The following MYRIP variants were observed in gnomAD, a reference collection of about 807,000 sequenced individuals.
The protein encoded by MYRIP is myosin VIIA and Rab interacting protein.
In MYRIP, 49 loss-of-function variants were observed where a neutral mutation model predicts 98.0. The ratio of observed to expected loss-of-function variants is 0.50; its 90% CI spans 0.40 to 0.63. MYRIP has a LOEUF of 0.63. Among genes scored for constraint, MYRIP ranks in the 30% least tolerant of loss-of-function variants. The pLI is 0.00. For missense variants in MYRIP, 1,004 were observed against 1,058.2 expected, an observed-to-expected ratio of 0.95 and a Z score of 0.71; for synonymous variants, 404 against 409.5, an observed-to-expected ratio of 0.99 and a Z score of 0.16.
chr3:40,190,183 C>T lies in MYRIP; in HGVS notation c.1385C>T (p.Ser462Phe), dbSNP rs760193647. The T allele has an allele frequency of 6.2e-6, 10 of 1,614,058 alleles. No homozygotes were observed. Among genetic ancestry groups the T allele is most frequent in the Non-Finnish European group, 7.6e-6 (9 of 1,180,046 alleles). Residue 462 changes from serine (S) to phenylalanine (F), a missense_variant, in exon 10 of 17, where the codon TCT (serine) becomes TTT (phenylalanine). Coordinates refer to ENST00000302541, the MANE Select transcript of MYRIP (RefSeq NM_015460.4). ...CSDSETSSAG[S>F]SREVGHQARL... ...GACTCGGAGACCTCCTCCGCAGGCT[C>T]TTCCCGAGAAGTTGGGCACCAGGCC... is the stretch of plus-strand genomic sequence containing the variant.
intron 2 of MYRIP, among the ~76,000 whole-genome samples, chr3:39,904,761 T>C (rs1205665663): frequency 6.6e-6 from 1 of 151,362 alleles, no homozygotes; most frequent in African/African-American, 2.4e-5. Flanking sequence ...TATCAGCTGC[T>C]GTGTGTAGGT....
At chr3:39,816,283 C>T (rs1940908187) in intron 1 of MYRIP, among the ~76,000 whole-genome samples, 1 of 152,158 alleles carries the variant, frequency 6.6e-6, no homozygotes, top group African/African-American at 2.4e-5. Context: ...GGGGTTTCAC[C>T]ATTTTAGCCA....
intron 1 of MYRIP, among the ~76,000 whole-genome samples, chr3:39,839,158 T>C (rs963738497): frequency 1.3e-5 from 2 of 152,162 alleles, no homozygotes; most frequent in African/African-American, 2.4e-5. Flanking sequence ...ATTGATTTTT[T>C]GGAGGGTTTT....
At chr3:39,965,789 G>C (rs991935063) in intron 2 of MYRIP, among the ~76,000 whole-genome samples, 1 of 152,056 alleles carries the variant, frequency 6.6e-6, no homozygotes, top group Non-Finnish European at 1.5e-5. Context: ...GCTACACCTA[G>C]ATTAACAAAT....
intron 2 of MYRIP, among the ~76,000 whole-genome samples, chr3:40,020,163 C>T (rs184483138): frequency 6.6e-6 from 1 of 152,230 alleles, no homozygotes; most frequent in Non-Finnish European, 1.5e-5. Flanking sequence ...TCTAGTACTC[C>T]CCAGTGTCTG....
intron 3 of MYRIP, among the ~76,000 whole-genome samples, chr3:40,063,349 G>A (rs903498494): frequency 6.6e-6 from 1 of 152,164 alleles, no homozygotes; most frequent in African/African-American, 2.4e-5. Context: ...TCCCTGAATT[G>A]ATCATTTTCC....
intron 3 of MYRIP, among the ~76,000 whole-genome samples, chr3:40,049,209 C>T (rs1947735340): frequency 6.6e-6 from 1 of 152,144 alleles, no homozygotes; most frequent in South Asian, 2.1e-4. Flanking sequence ...TTGTACTTTA[C>T]TGTGCTTCAC....
chr3:40,026,204 T>C (rs1045392047), intron 2 of MYRIP, among the ~76,000 whole-genome samples: 14 of 152,138 alleles, frequency 9.2e-5, no homozygotes, highest in African/African-American at 3.4e-4. Flanking sequence ...AGGAAAAGAA[T>C]TTAGTGATAT....
At chr3:40,141,924 T>G (rs1949904317) in intron 3 of MYRIP, among the ~76,000 whole-genome samples, 1 of 152,198 alleles carries the variant, frequency 6.6e-6, no homozygotes, top group Non-Finnish European at 1.5e-5. Context: ...CTTTGGCTAT[T>G]TGGGATAATT....
At chr3:40,185,801 GCCTCCTTTGGATT>G (rs1198222977) in intron 9 of MYRIP, among the ~76,000 whole-genome samples, 1 of 152,050 alleles carries the variant, frequency 6.6e-6, no homozygotes, top group East Asian at 1.9e-4. Flanking sequence ...ATCAAGGGTC[GCCTCCTTTGGATT>G]CCTCCCAGGG....
In MYRIP at chr3:40,162,777, G is replaced by A. The variant is rs1950423909; in HGVS notation, c.517G>A (p.Gly173Ser). Reference sequence around the variant, plus strand: ...CCTGGAGAATGAAGGAAGCATTTCTGGCAGTGATTCAACATTTTATAGGCA... The same window carrying A: ...CCTGGAGAATGAAGGAAGCATTTCTAGCAGTGATTCAACATTTTATAGGCA... ...SNLENEGSIS[G>S]SDSTFYRQSE... Residue 173 changes from glycine to serine, a missense_variant, in exon 5 of 17, where the codon GGC (glycine) becomes AGC (serine). Transcript: ENST00000302541. The A allele has an allele frequency of 6.2e-7, 1 of 1,614,036 alleles. No homozygotes were observed. The highest frequency in any genetic ancestry group is 1.1e-5 in the South Asian group (1 of 91,056).
intron 2 of MYRIP, among the ~76,000 whole-genome samples, chr3:39,994,246 C>T (rs1200699652): frequency 6.6e-6 from 1 of 152,252 alleles, no homozygotes; most frequent in Non-Finnish European, 1.5e-5. Flanking sequence ...GAGGCATCGC[C>T]TCATCCGGGA....
chr3:39,943,087 A>G (rs11719739), intron 2 of MYRIP, among the ~76,000 whole-genome samples: 426 of 152,128 alleles, frequency 2.8e-3, no homozygotes, highest in Non-Finnish European at 4.7e-3. Flanking sequence ...TGTTCTCTAG[A>G]CTCATCTGAG....
intron 2 of MYRIP, among the ~76,000 whole-genome samples, chr3:39,938,973 C>T (rs980081639): frequency 6.6e-6 from 1 of 152,176 alleles, no homozygotes; most frequent in African/African-American, 2.4e-5. Flanking sequence ...TCCTCCCTTC[C>T]TCATAGAAGA....
chr3:39,866,449 A>G (rs979271125), intron 1 of MYRIP, among the ~76,000 whole-genome samples: 1 of 152,116 alleles, frequency 6.6e-6, no homozygotes. Flanking sequence ...ATACAAGGCC[A>G]TTTACAATCA....
At chr3:40,252,270 C>T (rs547043586) in intron 16 of MYRIP, among the ~76,000 whole-genome samples, 53 of 152,052 alleles carry the variant, frequency 3.5e-4, no homozygotes, top group African/African-American at 8.0e-4. Flanking sequence ...TAACTTTCTA[C>T]GCAAGTATAG....
At chr3:39,903,594 T>A (rs1259564873) in intron 2 of MYRIP, among the ~76,000 whole-genome samples, 1 of 152,184 alleles carries the variant, frequency 6.6e-6, no homozygotes, top group Non-Finnish European at 1.5e-5. Flanking sequence ...AGAGGGATAA[T>A]GGGGATGAAG....
chr3:40,240,945 A>C (rs189712922), intron 12 of MYRIP, among the ~76,000 whole-genome samples: 1 of 152,198 alleles, frequency 6.6e-6, no homozygotes, highest in Non-Finnish European at 1.5e-5. Flanking sequence ...CCAGCCCTAG[A>C]CAGTGGTATC....
rs72856962 is a variant in MYRIP at position 40,167,848 on chromosome 3, G to A, written c.729+609G>A. 7.5e-3 allele frequency among the ~76,000 whole-genome samples: 1,142 copies of A among 152,320 alleles called. 17 individuals are homozygous for A. The highest frequency in any genetic ancestry group is 0.025 in the African/African-American group (1,032 of 41,556). ...TATAAAGGGTACAGGTGAACGGCCAGATGAAGAGACACACAGAGCAGCAGG... is the reference window on the plus strand; with the variant it reads ...TATAAAGGGTACAGGTGAACGGCCAAATGAAGAGACACACAGAGCAGCAGG... On this transcript the variant is annotated intron_variant, in intron 7 of 16. Coordinates refer to ENST00000302541, the MANE Select transcript of MYRIP (RefSeq NM_015460.4).
Sources: gnomAD v4.1 joint callset for allele counts (sites outside exome capture counted in the v4.1 genomes callset) on GRCh38, gnomAD v4.1.1 for gene constraint, MANE v1.5 for transcripts, NCBI Gene and HGNC (gene_info 2026-07-23, HGNC 2026-07-21) for gene names.